ASTN2: variants seen among roughly 807,000 people sequenced by gnomAD.
The protein encoded by ASTN2 is astrotactin-2.
A neutral mutation model predicts 139.8 loss-of-function variants in ASTN2; 54 were observed. The observed-to-expected ratio is 0.39, with a 90% CI of 0.31 to 0.48. The LOEUF is 0.48. Ranked by LOEUF, ASTN2 falls within the 20% of genes least tolerant of loss-of-function variation. The pLI, the probability that ASTN2 is intolerant of heterozygous loss-of-function variation, is 0.95. For synonymous variants in ASTN2, 756 were observed against 719.5 expected (o/e 1.05, Z -0.81); for missense variants, 1,565 against 1,725.1 (o/e 0.91, Z 1.64).
intron 5 of ASTN2, among the ~76,000 whole-genome samples, chr9:117,067,335 C>G (rs1303322954): frequency 7.2e-6 from 1 of 138,042 alleles, no homozygotes; most frequent in African/African-American, 2.5e-5. Context: ...GGCATTATTT[C>G]TGAGGGCTCT....
chr9:116,651,402 A>G lies in ASTN2; in HGVS notation c.3072+126T>C, dbSNP rs1857904789. ...ACATGGTAAGGAATCAATAAATGCT[A>G]GTAATCACCATGATGATGATATGAT... On this transcript the variant is annotated intron_variant, in intron 17 of 22. Coordinates refer to ENST00000313400, the MANE Select transcript of ASTN2 (RefSeq NM_001365068.1). 9 of 1,082,234 alleles carry G rather than the reference A, an allele frequency of 8.3e-6. No individual in the cohort carries two copies. The South Asian group carries it at 1.4e-4, about 17-fold the overall frequency. The allele number at this position is 1,082,234 out of a possible 1,614,324, so 67.0% of individuals were successfully genotyped here. A position where few individuals can be genotyped will look rare whatever the true frequency, so the allele number is the denominator to read the frequency against.
chr9:116,629,592 T>C (rs929003716), intron 17 of ASTN2, among the ~76,000 whole-genome samples: 1 of 148,308 alleles, frequency 6.7e-6, no homozygotes, highest in Admixed American at 6.6e-5. Flanking sequence ...GATCCCCCCA[T>C]ACAGTGAAAA....
At chr9:117,006,400 G>C (rs1837354365) in intron 7 of ASTN2, among the ~76,000 whole-genome samples, 1 of 152,064 alleles carries the variant, frequency 6.6e-6, no homozygotes, top group Non-Finnish European at 1.5e-5. Flanking sequence ...AAAAATTTGG[G>C]ATAATCTTTG....
chr9:116,651,849 C>T lies in ASTN2; in HGVS notation c.2807-56G>A, dbSNP rs530198861. The T allele has an allele frequency of 1.1e-5, 17 of 1,577,216 alleles. No homozygotes were observed. In the African/African-American group the frequency reaches 1.8e-4, roughly 16 times the overall value. ...GGTAAACTCAGGATTATTCAAAAGG[C>T]CAGACTCTTGAATTCACAAAATACA... On this transcript the variant is annotated intron_variant, in intron 16 of 22. Coordinates refer to ENST00000313400, the MANE Select transcript of ASTN2 (RefSeq NM_001365068.1).
intron 1 of ASTN2, among the ~76,000 whole-genome samples, chr9:117,354,887 G>C (rs962707105): frequency 2.0e-4 from 31 of 152,274 alleles, no homozygotes; most frequent in African/African-American, 7.5e-4. Context: ...AAATGCCCTA[G>C]TTATAAGTTA....
intron 1 of ASTN2, among the ~76,000 whole-genome samples, chr9:117,303,781 T>A (rs539103028): frequency 1.3e-5 from 2 of 152,338 alleles, no homozygotes; most frequent in East Asian, 3.9e-4. Flanking sequence ...ATTGCAGATA[T>A]CCCTGTCAAG....
chr9:117,330,073 C>T (rs1448917543), intron 1 of ASTN2, among the ~76,000 whole-genome samples: 1 of 152,178 alleles, frequency 6.6e-6, no homozygotes, highest in Non-Finnish European at 1.5e-5. Flanking sequence ...AGCCCTTACA[C>T]TTAATCCATC....
intron 2 of ASTN2, among the ~76,000 whole-genome samples, chr9:117,258,347 G>A (rs760729974): frequency 2.2e-4 from 33 of 152,134 alleles, no homozygotes; most frequent in Non-Finnish European, 4.0e-4. Context: ...TCAATTTAAT[G>A]TTGCAAATTG....
At chr9:117,264,484 G>A (rs957209281) in intron 2 of ASTN2, among the ~76,000 whole-genome samples, 4 of 152,128 alleles carry the variant, frequency 2.6e-5, no homozygotes, top group Non-Finnish European at 2.9e-5. Flanking sequence ...CATAATGCAT[G>A]GAAAATGCTT....
chr9:116,920,917 A>G (rs1834586877), intron 10 of ASTN2, among the ~76,000 whole-genome samples: 1 of 152,222 alleles, frequency 6.6e-6, no homozygotes, highest in South Asian at 2.1e-4. Context: ...TCCTCACAGG[A>G]AATATCCATC....
intron 16 of ASTN2, among the ~76,000 whole-genome samples, chr9:116,709,830 A>G (rs543930958): frequency 3.3e-5 from 5 of 152,338 alleles, no homozygotes; most frequent in African/African-American, 9.6e-5. Context: ...TGTACAAGGC[A>G]TTTAATGGAA....
chr9:116,997,936 C>A (rs1325892582), intron 7 of ASTN2, among the ~76,000 whole-genome samples: 1 of 152,146 alleles, frequency 6.6e-6, no homozygotes, highest in Non-Finnish European at 1.5e-5. Flanking sequence ...AACACTCCAT[C>A]TGCTATATAT....
At chr9:117,261,340 C>A (rs1833817138) in intron 2 of ASTN2, among the ~76,000 whole-genome samples, 1 of 152,160 alleles carries the variant, frequency 6.6e-6, no homozygotes, top group African/African-American at 2.4e-5. Context: ...GATTCAGGAC[C>A]TGACAGCACC....
chr9:116,513,237 T>C (rs1850483441), intron 19 of ASTN2, among the ~76,000 whole-genome samples: 1 of 152,138 alleles, frequency 6.6e-6, no homozygotes, highest in African/African-American at 2.4e-5. Context: ...CTATAAAGGA[T>C]TTTATTTCTC....
At chr9:117,159,970 TC>T (rs1248431434) in intron 3 of ASTN2, among the ~76,000 whole-genome samples, 1 of 152,022 alleles carries the variant, frequency 6.6e-6, no homozygotes, top group Non-Finnish European at 1.5e-5. Context: ...TCTCACATCT[TC>T]TTTAAGCCAA....
intron 11 of ASTN2, among the ~76,000 whole-genome samples, chr9:116,824,162 A>G (rs1276298648): frequency 6.6e-6 from 1 of 152,180 alleles, no homozygotes; most frequent in East Asian, 1.9e-4. Flanking sequence ...GCAGTGACAT[A>G]AAGTCTCCTA....
At chr9:117,109,437 C>T (rs1356486892) in intron 4 of ASTN2, among the ~76,000 whole-genome samples, 12 of 152,120 alleles carry the variant, frequency 7.9e-5, no homozygotes, top group Admixed American at 3.9e-4. Flanking sequence ...TCCAAGATTA[C>T]ACCCAACTCT....
intron 10 of ASTN2, among the ~76,000 whole-genome samples, chr9:116,968,595 A>C (rs7046571): frequency 0.06 from 9,104 of 152,090 alleles, 811 homozygotes; most frequent in African/African-American, 0.2. Context: ...ACTGCAGCCA[A>C]ACTGACATGG....
At chr9:117,404,839 AG>A (rs1253179647) in intron 1 of ASTN2, among the ~76,000 whole-genome samples, 1 of 152,202 alleles carries the variant, frequency 6.6e-6, no homozygotes, top group African/African-American at 2.4e-5. Context: ...GTTGGGAGGA[AG>A]GAAGAAAAGG....
Sources: allele counts gnomAD v4.1 joint callset (sites outside exome capture counted in the v4.1 genomes callset), GRCh38; gene constraint gnomAD v4.1.1; transcripts MANE v1.5; gene names NCBI Gene and HGNC (gene_info 2026-07-23, HGNC 2026-07-21).